EHD4: variants seen among roughly 807,000 people sequenced by gnomAD.
The protein encoded by EHD4 is EH domain-containing protein 4.
In EHD4, 37 loss-of-function variants were observed where a neutral mutation model predicts 51.0. The ratio of observed to expected loss-of-function variants is 0.73; its 90% CI spans 0.56 to 0.95. The LOEUF (loss-of-function observed/expected upper bound fraction) is 0.95. EHD4 is among the 40% of genes least tolerant of loss of function. The probability of loss-of-function intolerance (pLI) is 0.00; values close to 1 mark genes in which losing one functional copy is unlikely to be tolerated. For synonymous variants in EHD4, 297 were observed against 317.3 expected (o/e 0.94, Z 0.68); for missense variants, 632 against 733.1 (o/e 0.86, Z 1.59).
chr15:41,962,091 C>T (rs1385351237), intron 1 of EHD4, among the ~76,000 whole-genome samples: 2 of 152,224 alleles, frequency 1.3e-5, no homozygotes, highest in Non-Finnish European at 2.9e-5. Flanking sequence ...CTCCATAGGA[C>T]CTGTATGAGT....
intron 2 of EHD4, among the ~76,000 whole-genome samples, chr15:41,943,997 C>T (rs1386469363): frequency 4.6e-5 from 7 of 152,148 alleles, no homozygotes; most frequent in Admixed American, 2.6e-4. Flanking sequence ...TGCCTGATAC[C>T]ATCTCCTCCT....
intron 4 of EHD4, among the ~76,000 whole-genome samples, chr15:41,915,330 G>A (rs570041136): frequency 4.8e-4 from 73 of 152,206 alleles, no homozygotes; most frequent in African/African-American, 1.6e-3. Context: ...TGCCCGCCTT[G>A]GTTTCCTGAA....
intron 3 of EHD4, among the ~76,000 whole-genome samples, chr15:41,920,911 C>G (rs112673065): frequency 2.6e-5 from 4 of 152,156 alleles, no homozygotes; most frequent in Non-Finnish European, 5.9e-5. Flanking sequence ...ATGTCAACAT[C>G]GATTGTGAGA....
At chr15:41,940,836 G>C (rs2067765032) in intron 3 of EHD4, among the ~76,000 whole-genome samples, 1 of 152,184 alleles carries the variant, frequency 6.6e-6, no homozygotes. Flanking sequence ...CTAAGCAAAG[G>C]AGAGACGCTG....
At chr15:41,936,521 G>A (rs925852764) in intron 3 of EHD4, among the ~76,000 whole-genome samples, 6 of 152,188 alleles carry the variant, frequency 3.9e-5, no homozygotes, top group Non-Finnish European at 8.8e-5. Context: ...GTATCCCAAT[G>A]TCTGAGATAT....
intron 3 of EHD4, among the ~76,000 whole-genome samples, chr15:41,924,145 C>T (rs2067645867): frequency 2.6e-5 from 4 of 152,156 alleles, no homozygotes; most frequent in Admixed American, 1.3e-4. Flanking sequence ...TCAACTGCTC[C>T]CCATCCTGAG....
chr15:41,962,639 G>T (rs2067931956), intron 1 of EHD4, among the ~76,000 whole-genome samples: 1 of 151,818 alleles, frequency 6.6e-6, no homozygotes, highest in Non-Finnish European at 1.5e-5. Flanking sequence ...ATTTTAAAAA[G>T]AGCGCCCGGC....
At position 41,972,449 on chromosome 15, in the gene EHD4, C is replaced by G. The variant is rs919486523; in HGVS notation, c.46G>C (p.Gly16Arg). The G allele has an allele frequency of 5.7e-6, 9 of 1,574,358 alleles. No homozygotes were observed. The highest frequency in any genetic ancestry group is 7.7e-6 in the Non-Finnish European group (9 of 1,163,246). The change falls in exon 1 of 6, where the codon GGC (glycine) becomes CGC (arginine). Residue 16 changes from glycine (G) to arginine (R), a missense_variant. Transcript: ENST00000220325. ...ACCGTCTGCACCGCGTCCGCGCCGC[C>G]AGCGCGTTCGCGCCCGCCCGCCTGC... Reference protein sequence around the residue: ...GRQAGGRERAGGADAVQTVTG... With the variant: ...GRQAGGRERARGADAVQTVTG...
intron 1 of EHD4, among the ~76,000 whole-genome samples, chr15:41,968,565 C>T (rs1475504331): frequency 6.6e-6 from 1 of 150,540 alleles, no homozygotes; most frequent in African/African-American, 2.4e-5. Context: ...GTTAGGATTA[C>T]AGGTGTGAGC....
intron 5 of EHD4, among the ~76,000 whole-genome samples, chr15:41,909,448 A>G (rs534868471): frequency 6.6e-6 from 1 of 152,348 alleles, no homozygotes; most frequent in Admixed American, 6.5e-5. Flanking sequence ...ACACAGTCTA[A>G]GAGGGCTGCT....
rs746033503 is a variant in EHD4, at chr15:41,900,915, G to T, written c.1356C>A (p.Asp452Glu). 1 of 1,614,110 alleles carries T rather than the reference G, an allele frequency of 6.2e-7. No homozygotes were observed. The highest frequency in any genetic ancestry group is 1.3e-5 in the African/African-American group (1 of 75,046). ...TGGGCGACAGAGTGTAGAAGAGCTC[G>T]TCGTAGACGGGCTTGTCTTTGGCCA... is the stretch of plus-strand genomic sequence containing the variant. ...WVVAKDKPVYDELFYTLSPIN... is the reference protein window; with the variant it reads ...WVVAKDKPVYEELFYTLSPIN... The change falls in exon 6 of 6, where the codon GAC (aspartate) becomes GAA (glutamate). Residue 452 changes from aspartate (D) to glutamate (E), a missense_variant. By Grantham distance (45) the Asp-to-Glu change is conservative. Coordinates refer to ENST00000220325, the MANE Select transcript of EHD4 (RefSeq NM_139265.4). The surrounding 1 kb of genome is among the most constrained non-coding windows in gnomAD (Gnocchi z 4.8).
chr15:41,965,613 G>A (rs534267866), intron 1 of EHD4, among the ~76,000 whole-genome samples: 2 of 152,260 alleles, frequency 1.3e-5, no homozygotes, highest in East Asian at 1.9e-4. Context: ...CAGAGATTTC[G>A]ACTCAGGAGG....
chr15:41,966,612 T>C (rs1449629457), intron 1 of EHD4, among the ~76,000 whole-genome samples: 1 of 152,110 alleles, frequency 6.6e-6, no homozygotes, highest in Non-Finnish European at 1.5e-5. Context: ...AGGCTGGAAA[T>C]GGAGGTGGCC....
At chr15:41,902,177 G>A (rs1370927768) in intron 5 of EHD4, among the ~76,000 whole-genome samples, 1 of 152,132 alleles carries the variant, frequency 6.6e-6, no homozygotes, top group Admixed American at 6.5e-5. Flanking sequence ...ACTACAGGAT[G>A]CCACAGAGGC....
At chr15:41,916,923 C>A (rs903083916) in intron 4 of EHD4, among the ~76,000 whole-genome samples, 2 of 152,192 alleles carry the variant, frequency 1.3e-5, no homozygotes, top group African/African-American at 2.4e-5. Context: ...GACCGTCCCC[C>A]ACTCCCTGCA....
At chr15:41,961,842 A>G (rs2067926243) in intron 1 of EHD4, among the ~76,000 whole-genome samples, 1 of 152,214 alleles carries the variant, frequency 6.6e-6, no homozygotes, top group Admixed American at 6.5e-5. Context: ...ATGGAACAGA[A>G]GGGGAGACAA....
chr15:41,972,254 G>T lies in EHD4; in HGVS notation c.236+5C>A. On this transcript the variant is annotated splice_donor_5th_base_variant and intron_variant, in intron 1 of 5. Coordinates refer to ENST00000220325, the MANE Select transcript of EHD4 (RefSeq NM_139265.4). ...CGGGAGCCGGGCGAGGGGCGGTGAC[G>T]GTACCTGATGAAGGTGGTCTTGCCG... is the stretch of plus-strand genomic sequence containing the variant. 1 of 1,548,188 alleles carries T rather than the reference G, an allele frequency of 6.5e-7. No individual in the cohort carries two copies. Among genetic ancestry groups the T allele is most frequent in the South Asian group, 1.2e-5 (1 of 84,558 alleles).
chr15:41,935,179 G>A (rs763095777), intron 3 of EHD4, among the ~76,000 whole-genome samples: 16 of 152,082 alleles, frequency 1.1e-4, no homozygotes, highest in African/African-American at 3.6e-4. Context: ...CATTCTTTAC[G>A]TCCAGCCTAA....
chr15:41,949,247 G>A (rs1184646476), intron 2 of EHD4, among the ~76,000 whole-genome samples: 1 of 151,592 alleles, frequency 6.6e-6, no homozygotes, highest in Non-Finnish European at 1.5e-5. Context: ...GTGGGCACCT[G>A]TAATCCCAGC....
Sources: allele counts gnomAD v4.1 joint callset (sites outside exome capture counted in the v4.1 genomes callset), GRCh38; gene constraint gnomAD v4.1.1; non-coding constraint Gnocchi (gnomAD v3.1); transcripts MANE v1.5; gene names NCBI Gene and HGNC (gene_info 2026-07-23, HGNC 2026-07-21).